RMST: variants seen among roughly 807,000 people sequenced by gnomAD.
The protein encoded by RMST is rhabdomyosarcoma 2 associated transcript.
intron 11 of RMST, among the ~76,000 whole-genome samples, chr12:97,541,624 A>G (rs772175334): frequency 6.6e-6 from 1 of 151,612 alleles, no homozygotes; most frequent in Non-Finnish European, 1.5e-5. Flanking sequence ...GGAACCAGGA[A>G]CTTAGATCTC....
chr12:97,521,851 A>C (rs11109091), intron 10 of RMST, among the ~76,000 whole-genome samples: 19,760 of 152,128 alleles, frequency 0.13, 2,076 homozygotes, highest in African/African-American at 0.27. Context: ...CCCAGTTAAC[A>C]CTTCAATTTG....
intron 5 of RMST, among the ~76,000 whole-genome samples, chr12:97,478,344 T>C (rs2136410813): frequency 6.6e-6 from 1 of 152,340 alleles, no homozygotes; most frequent in East Asian, 1.9e-4. Flanking sequence ...GTAGAAAGTA[T>C]AACCAGATTA....
At chr12:97,465,516 C>G (rs559826121) in intron 4 of RMST, among the ~76,000 whole-genome samples, 1 of 152,288 alleles carries the variant, frequency 6.6e-6, no homozygotes, top group African/African-American at 2.4e-5. Flanking sequence ...AAAACATGCA[C>G]TCTGCTAATA....
At chr12:97,520,685 G>A (rs1336231674) in intron 10 of RMST, among the ~76,000 whole-genome samples, 1 of 152,116 alleles carries the variant, frequency 6.6e-6, no homozygotes, top group Middle Eastern at 3.2e-3. Flanking sequence ...GGGACTACCA[G>A]ACTTGAGAGT....
At chr12:97,536,002 T>C (rs1019564846) in intron 11 of RMST, among the ~76,000 whole-genome samples, 5 of 151,650 alleles carry the variant, frequency 3.3e-5, no homozygotes, top group Admixed American at 6.6e-5. Flanking sequence ...ATCTTTCTTT[T>C]AAAATTCATA....
At chr12:97,497,251 A>T (rs188465820) in intron 10 of RMST, among the ~76,000 whole-genome samples, 8 of 152,358 alleles carry the variant, frequency 5.3e-5, no homozygotes, top group African/African-American at 1.9e-4. Flanking sequence ...ATGCATGTGC[A>T]TGCTATGACT....
chr12:97,551,292 G>A (rs1021784353), intron 11 of RMST, among the ~76,000 whole-genome samples: 1 of 150,278 alleles, frequency 6.7e-6, no homozygotes, highest in African/African-American at 2.5e-5. Context: ...AATATAGAAA[G>A]GTAGATAAAG....
chr12:97,493,296 G>A (rs997570293), intron 7 of RMST: 9 of 152,680 alleles, frequency 5.9e-5, no homozygotes, highest in South Asian at 2.1e-4. Flanking sequence ...GTGAGTAGGG[G>A]CATTGATTTC....
intron 9 of RMST, among the ~76,000 whole-genome samples, chr12:97,495,334 G>A (rs1250198605): frequency 6.6e-6 from 1 of 152,160 alleles, no homozygotes; most frequent in South Asian, 2.1e-4. Context: ...TGTGAGATAA[G>A]TGGCGATTGT....
chr12:97,475,001 G>C (rs1447301730), intron 5 of RMST, among the ~76,000 whole-genome samples: 1 of 152,116 alleles, frequency 6.6e-6, no homozygotes, highest in East Asian at 1.9e-4. Context: ...AGTAGCCAAA[G>C]TATTTTGAGT....
intron 5 of RMST, among the ~76,000 whole-genome samples, chr12:97,468,430 A>G (rs1299965304): frequency 6.6e-6 from 1 of 152,030 alleles, no homozygotes; most frequent in Non-Finnish European, 1.5e-5. Context: ...TACACTGTAT[A>G]TTGTACAAAA....
At chr12:97,514,918 C>T (rs1412748522) in intron 10 of RMST, among the ~76,000 whole-genome samples, 1 of 152,122 alleles carries the variant, frequency 6.6e-6, no homozygotes, top group Non-Finnish European at 1.5e-5. Flanking sequence ...AGACCAATTT[C>T]AGTACTTTGG....
At chr12:97,484,537 C>G (rs773759359) in intron 5 of RMST, among the ~76,000 whole-genome samples, 1 of 152,118 alleles carries the variant, frequency 6.6e-6, no homozygotes, top group Non-Finnish European at 1.5e-5. Context: ...TTGCTTGCAG[C>G]CTTATTCTCT....
At position 97,474,902 on chromosome 12, in the gene RMST, C is replaced by T. The variant is rs2136400156; in HGVS notation, n.644+9175C>T. ...ACTTTGTTACTATTAGGAGACGATA[C>T]ACCTCTTTGGTACATCTCCAGTGTA... On this transcript the variant is annotated intron_variant and non_coding_transcript_variant, in intron 5 of 13. Coordinates refer to ENST00000640149, the Ensembl canonical transcript of RMST. Among the ~76,000 whole-genome samples, 2 of 152,252 alleles carry T rather than the reference C, an allele frequency of 1.3e-5. 1 individual carries two copies. The highest frequency in any genetic ancestry group is 2.9e-5 in the Non-Finnish European group (2 of 68,004).
intron 5 of RMST, among the ~76,000 whole-genome samples, chr12:97,475,301 A>G (rs1471286807): frequency 6.6e-6 from 1 of 152,136 alleles, no homozygotes; most frequent in Non-Finnish European, 1.5e-5. Context: ...TTGCGCATAC[A>G]CTTTCAAGAG....
intron 10 of RMST, among the ~76,000 whole-genome samples, chr12:97,500,158 A>G (rs760307045): frequency 1.1e-4 from 16 of 152,198 alleles, no homozygotes; most frequent in Non-Finnish European, 2.2e-4. Context: ...CCAGCATTAT[A>G]TCATTCAACG....
chr12:97,555,020 A>G (rs1332732690), intron 11 of RMST, among the ~76,000 whole-genome samples: 1 of 152,166 alleles, frequency 6.6e-6, no homozygotes, highest in East Asian at 1.9e-4. Context: ...TCTCTACAGC[A>G]TATGGCATTG....
intron 11 of RMST, among the ~76,000 whole-genome samples, chr12:97,534,227 A>G (rs1469531934): frequency 4.6e-5 from 7 of 151,768 alleles, no homozygotes; most frequent in Admixed American, 4.6e-4. Context: ...AACTTTAAAA[A>G]ATTCAGTTGT....
intron 5 of RMST, among the ~76,000 whole-genome samples, chr12:97,471,969 CA>C (rs1199613792): frequency 6.6e-6 from 1 of 151,978 alleles, no homozygotes. Flanking sequence ...TTTGAACCTA[CA>C]AGCATAAAGG....
Sources: gnomAD v4.1 joint callset for allele counts (sites outside exome capture counted in the v4.1 genomes callset) on GRCh38, gnomAD v4.1.1 for gene constraint, MANE v1.5 for transcripts, NCBI Gene and HGNC (gene_info 2026-07-23, HGNC 2026-07-21) for gene names.